Variants in HSPA12A observed in about 807,000 individuals in gnomAD.
HSPA12A encodes the protein heat shock 70 kDa protein 12A.
Under a neutral mutation model 69.2 loss-of-function variants are expected in HSPA12A, and 28 were observed. The ratio of observed to expected loss-of-function variants is 0.40; its 90% CI spans 0.30 to 0.55. The LOEUF (loss-of-function observed/expected upper bound fraction) is 0.55. HSPA12A is among the 20% of genes least tolerant of loss of function. The probability of loss-of-function intolerance (pLI) is 0.38; values close to 1 mark genes in which losing one functional copy is unlikely to be tolerated. For missense variants in HSPA12A, 686 were observed against 900.7 expected, an observed-to-expected ratio of 0.76 and a Z score of 3.05; for synonymous variants, 345 against 370.5, an observed-to-expected ratio of 0.93 and a Z score of 0.79.
intron 2 of HSPA12A, among the ~76,000 whole-genome samples, chr10:116,768,899 T>C (rs1844137971): frequency 1.3e-5 from 2 of 152,146 alleles, no homozygotes; most frequent in Non-Finnish European, 2.9e-5. Flanking sequence ...CTCTGAGTTA[T>C]CTTTAACTCC....
At chr10:116,774,748 C>T (rs1462103279) in intron 2 of HSPA12A, among the ~76,000 whole-genome samples, 2 of 152,176 alleles carry the variant, frequency 1.3e-5, no homozygotes, top group Non-Finnish European at 2.9e-5. Context: ...ATTGAATAAG[C>T]TCCTCCCCCA....
Position 116,742,492 on chromosome 10 carries a change from A to G in HSPA12A, c.-23T>C. ...CATGGTCGCGCAGCCCCGGACCGCG[A>G]GGGGAGCCTCCAGCGCAGCGCCCGT... On this transcript the variant is annotated 5_prime_UTR_variant, in exon 1 of 12. Coordinates refer to ENST00000369209, the MANE Select transcript of HSPA12A (RefSeq NM_025015.3). 1 of 1,332,140 alleles carries G rather than the reference A, an allele frequency of 7.5e-7. No homozygotes were observed. The highest frequency in any genetic ancestry group is 1.7e-5 in the South Asian group (1 of 57,832). The allele number at this position is 1,332,140 out of a possible 1,614,324, so 82.5% of individuals were successfully genotyped here. A position where few individuals can be genotyped will look rare whatever the true frequency, so the allele number is the denominator to read the frequency against.
intron 5 of HSPA12A, among the ~76,000 whole-genome samples, chr10:116,696,881 C>G (rs575030741): frequency 6.6e-6 from 1 of 152,092 alleles, no homozygotes; most frequent in African/African-American, 2.4e-5. Flanking sequence ...AAATACCCAC[C>G]CTTCCAGTTG....
chr10:116,676,398 C>T lies in HSPA12A; in HGVS notation c.1390+1G>A, dbSNP rs1554877700. ...AGTGGCCGAGCCTGGCTGATACTTACGGAGATGCTCAATGATGCTATCGAT... is the reference window on the plus strand; with the variant it reads ...AGTGGCCGAGCCTGGCTGATACTTATGGAGATGCTCAATGATGCTATCGAT... On this transcript the variant is annotated splice_donor_variant, in intron 11 of 11. Coordinates refer to ENST00000369209, the MANE Select transcript of HSPA12A (RefSeq NM_025015.3). LOFTEE classifies it high-confidence loss of function. 1.2e-6 allele frequency: 2 copies of T among 1,612,312 alleles called. No individual in the cohort carries two copies. Among genetic ancestry groups the T allele is most frequent in the Non-Finnish European group, 8.5e-7 (1 of 1,178,790 alleles).
At chr10:116,741,500 C>T (rs1381801245) in intron 1 of HSPA12A, among the ~76,000 whole-genome samples, 1 of 152,212 alleles carries the variant, frequency 6.6e-6, no homozygotes, top group African/African-American at 2.4e-5. Flanking sequence ...CTCGCCGAGG[C>T]CCTGCAGGTC....
chr10:116,765,656 A>T (rs1844060048), intron 2 of HSPA12A, among the ~76,000 whole-genome samples: 1 of 152,148 alleles, frequency 6.6e-6, no homozygotes, highest in Non-Finnish European at 1.5e-5. Flanking sequence ...AACTTTCAGG[A>T]TTAAAAGTTG....
intron 3 of HSPA12A, among the ~76,000 whole-genome samples, chr10:116,701,625 G>A (rs1051654701): frequency 2.0e-5 from 3 of 152,192 alleles, no homozygotes; most frequent in African/African-American, 4.8e-5. Flanking sequence ...TGCAGGATTC[G>A]GGGGAGAACT....
intron 2 of HSPA12A, among the ~76,000 whole-genome samples, chr10:116,792,259 C>CAA (rs55642476): frequency 0.35 from 21,088 of 61,054 alleles, 4,136 homozygotes; most frequent in South Asian, 0.55. Flanking sequence ...AACTCGGTCT[C>CAA]AAAAAAAAAA....
intron 1 of HSPA12A, among the ~76,000 whole-genome samples, chr10:116,843,278 A>G (rs761490816): frequency 8.5e-5 from 13 of 152,228 alleles, no homozygotes; most frequent in Non-Finnish European, 1.9e-4. Context: ...TCACCTCAAA[A>G]GCTCACTGAT....
chr10:116,726,012 G>GACACACACACAC (rs1277422010), intron 1 of HSPA12A, among the ~76,000 whole-genome samples: 2 of 70,502 alleles, frequency 2.8e-5, no homozygotes, highest in Non-Finnish European at 5.9e-5. Context: ...ACAAGGTTTA[G>GACACACACACAC]ACACACACAC....
chr10:116,846,149 T>C (rs1845876366), intron 1 of HSPA12A, among the ~76,000 whole-genome samples: 1 of 152,168 alleles, frequency 6.6e-6, no homozygotes, highest in East Asian at 1.9e-4. Context: ...AGAAGCTGAC[T>C]GGGATGGTAG....
intron 1 of HSPA12A, among the ~76,000 whole-genome samples, chr10:116,737,301 C>T (rs539996724): frequency 7.6e-4 from 116 of 152,318 alleles, no homozygotes; most frequent in African/African-American, 2.4e-3. Flanking sequence ...CAGGCTCATA[C>T]CTAAGCTCAT....
At chr10:116,784,046 C>G (rs1844521599) in intron 2 of HSPA12A, among the ~76,000 whole-genome samples, 1 of 152,142 alleles carries the variant, frequency 6.6e-6, no homozygotes, top group African/African-American at 2.4e-5. Context: ...CTATTTTTTT[C>G]TTATGTATCC....
chr10:116,784,346 C>A (rs573751908), intron 2 of HSPA12A, among the ~76,000 whole-genome samples: 2 of 152,384 alleles, frequency 1.3e-5, no homozygotes, highest in South Asian at 4.1e-4. Flanking sequence ...GGTCTTTGAG[C>A]ACTTTCCAAA....
At chr10:116,729,910 C>T (rs1173753417) in intron 1 of HSPA12A, among the ~76,000 whole-genome samples, 2 of 152,216 alleles carry the variant, frequency 1.3e-5, no homozygotes, top group African/African-American at 2.4e-5. Flanking sequence ...CTCGTGTGTG[C>T]CCAGTGGGTG....
chr10:116,727,817 G>A (rs1394513700), intron 1 of HSPA12A, among the ~76,000 whole-genome samples: 2 of 145,602 alleles, frequency 1.4e-5, no homozygotes, highest in Middle Eastern at 3.6e-3. Context: ...GGGTGCAATG[G>A]CACAATCTCA....
At chr10:116,709,155 T>C (rs918977101) in intron 1 of HSPA12A, among the ~76,000 whole-genome samples, 2 of 152,138 alleles carry the variant, frequency 1.3e-5, no homozygotes, top group Admixed American at 6.6e-5. Context: ...CAACAACAGA[T>C]GAAGGGATAG....
chr10:116,811,988 G>A (rs1027145596), intron 2 of HSPA12A, among the ~76,000 whole-genome samples: 1 of 152,124 alleles, frequency 6.6e-6, no homozygotes, highest in Non-Finnish European at 1.5e-5. Context: ...GAGTGCAGAG[G>A]GACTGTTGTT....
chr10:116,849,441 A>C, intron 1 of HSPA12A: 1 of 1,305,748 alleles, frequency 7.7e-7, no homozygotes, highest in Non-Finnish European at 1.0e-6. Context: ...CTTTTACCGC[A>C]GGAAGAACCT....
Sources: gnomAD v4.1 joint callset for allele counts (sites outside exome capture counted in the v4.1 genomes callset) on GRCh38, gnomAD v4.1.1 for gene constraint, MANE v1.5 for transcripts, NCBI Gene and HGNC (gene_info 2026-07-23, HGNC 2026-07-21) for gene names.